Variants in PAPPA observed in about 807,000 individuals in gnomAD.
PAPPA encodes pappalysin-1.
A neutral mutation model predicts 164.0 loss-of-function variants in PAPPA; 60 were observed. The observed-to-expected ratio is 0.37, with a 90% CI of 0.30 to 0.45. The LOEUF is 0.45. Ranked by LOEUF, PAPPA falls within the 20% of genes least tolerant of loss-of-function variation. The pLI is 1.00. For missense variants in PAPPA, 1,782 were observed against 2,087.3 expected (o/e 0.85, Z 2.85); for synonymous variants, 875 against 814.1 (o/e 1.07, Z -1.27).
chr9:116,377,048 G>T (rs1846662774), intron 19 of PAPPA, among the ~76,000 whole-genome samples: 1 of 152,130 alleles, frequency 6.6e-6, no homozygotes, highest in African/African-American at 2.4e-5. Context: ...CAGGTCTGAG[G>T]AATCTGCCGT....
At chr9:116,257,475 T>A (rs35906071) in intron 7 of PAPPA, among the ~76,000 whole-genome samples, 1 of 151,310 alleles carries the variant, frequency 6.6e-6, no homozygotes, top group Non-Finnish European at 1.5e-5. Context: ...CCAAGGCGGG[T>A]GGATCATGAG....
chr9:116,378,076 C>G (rs1846678922), intron 20 of PAPPA, among the ~76,000 whole-genome samples: 1 of 152,162 alleles, frequency 6.6e-6, no homozygotes, highest in Admixed American at 6.5e-5. Flanking sequence ...TACTGATGAC[C>G]TTTACTTGCA....
In PAPPA at chr9:116,352,934, T is replaced by C; in HGVS notation, c.4175+18T>C. The stretch of plus-strand genomic sequence containing the variant: ...TCAAAGAAGTAAGTGGGGTTGGAAA[T>C]GCAAACTTATGGTCTCTGGGAGGAC... On this transcript the variant is annotated intron_variant, in intron 16 of 21. Coordinates refer to ENST00000328252, the MANE Select transcript of PAPPA (RefSeq NM_002581.5). 6.3e-7 allele frequency: 1 copy of C among 1,587,058 alleles called. No homozygotes were observed. Among genetic ancestry groups the C allele is most frequent in the South Asian group, 1.1e-5 (1 of 90,016 alleles).
At chr9:116,164,136 T>A (rs1368579711) in intron 1 of PAPPA, among the ~76,000 whole-genome samples, 1 of 152,194 alleles carries the variant, frequency 6.6e-6, no homozygotes, top group Admixed American at 6.5e-5. Flanking sequence ...CTTGTAGTAT[T>A]GCTTATCATT....
intron 10 of PAPPA, among the ~76,000 whole-genome samples, chr9:116,327,245 C>T (rs1216271409): frequency 2.0e-5 from 3 of 152,184 alleles, no homozygotes; most frequent in Non-Finnish European, 2.9e-5. Flanking sequence ...AAAAGGGTTA[C>T]TGTGTTACTT....
chr9:116,196,574 G>T (rs188249518), intron 2 of PAPPA, among the ~76,000 whole-genome samples: 3 of 152,218 alleles, frequency 2.0e-5, no homozygotes, highest in Non-Finnish European at 4.4e-5. Context: ...CAAACTCACT[G>T]CTGGGCAGTT....
At chr9:116,233,883 G>A (rs1256140587) in intron 6 of PAPPA, among the ~76,000 whole-genome samples, 1 of 151,744 alleles carries the variant, frequency 6.6e-6, no homozygotes, top group Admixed American at 6.6e-5. Flanking sequence ...AACCACTGAG[G>A]CTGAAGAAAA....
At chr9:116,231,636 CTT>C (rs1844592969) in intron 6 of PAPPA, among the ~76,000 whole-genome samples, 1 of 150,888 alleles carries the variant, frequency 6.6e-6, no homozygotes, top group Non-Finnish European at 1.5e-5. Flanking sequence ...AATAGTTACT[CTT>C]TGAATGCATG....
chr9:116,382,591 A>G, intron 21 of PAPPA, 98 bp downstream of exon 21: 1 of 791,650 alleles, frequency 1.3e-6, no homozygotes, highest in Non-Finnish European at 2.3e-6. Context: ...CCTTGTCCTA[A>G]CTCTGCCAGC....
intron 9 of PAPPA, among the ~76,000 whole-genome samples, chr9:116,276,426 T>C (rs1845198984): frequency 6.6e-6 from 1 of 152,156 alleles, no homozygotes; most frequent in East Asian, 1.9e-4. Flanking sequence ...TTCAGCATAG[T>C]TGGGTCCAGT....
chr9:116,327,316 A>G (rs925341353), intron 10 of PAPPA, among the ~76,000 whole-genome samples: 5 of 152,188 alleles, frequency 3.3e-5, no homozygotes, highest in African/African-American at 7.2e-5. Context: ...AGGATGGAAA[A>G]CAGTATGGCT....
chr9:116,260,615 T>G (rs769424537), intron 7 of PAPPA, among the ~76,000 whole-genome samples: 1 of 152,180 alleles, frequency 6.6e-6, no homozygotes, highest in African/African-American at 2.4e-5. Context: ...GAATTTTAAA[T>G]GCTGAAGCAG....
chr9:116,330,883 T>C (rs938964358), intron 10 of PAPPA, among the ~76,000 whole-genome samples: 38 of 152,082 alleles, frequency 2.5e-4, no homozygotes, highest in African/African-American at 8.9e-4. Context: ...GCATTCTGGG[T>C]TTCTGCTTTC....
At chr9:116,311,396 G>A (rs930064421) in intron 10 of PAPPA, among the ~76,000 whole-genome samples, 1 of 152,214 alleles carries the variant, frequency 6.6e-6, no homozygotes, top group African/African-American at 2.4e-5. Flanking sequence ...CTTGCAAAGT[G>A]CTGTGATATG....
chr9:116,188,044 G>A lies in PAPPA; in HGVS notation c.1306G>A (p.Asp436Asn), dbSNP rs868825700. The part of the protein sequence containing the change: ...PECNHTLTGH[D>N]GGDCRHLRHP... ...GTGCAACCACACGCTGACGGGCCAC[G>A]ACGGCGGGGATTGCCGCCACCTGCG... The change falls in exon 2 of 22, where the codon GAC becomes AAC. Residue 436 changes from aspartate (D) to asparagine (N), a missense_variant. Physicochemically the swap from Asp to Asn is conservative, Grantham distance 23. Transcript: ENST00000328252. The A allele has an allele frequency of 1.9e-6, 3 of 1,614,186 alleles. No individual in the cohort carries two copies. Among genetic ancestry groups the A allele is most frequent in the African/African-American group, 1.3e-5 (1 of 75,072 alleles).
chr9:116,301,577 A>G, intron 9 of PAPPA, among the ~76,000 whole-genome samples: 1 of 152,248 alleles, frequency 6.6e-6, no homozygotes, highest in Non-Finnish European at 1.5e-5. Context: ...AAACATGCAT[A>G]GGTCACACCT....
chr9:116,328,623 T>C (rs1440302785), intron 10 of PAPPA, among the ~76,000 whole-genome samples: 5 of 152,236 alleles, frequency 3.3e-5, no homozygotes, highest in Admixed American at 1.3e-4. Flanking sequence ...TTTGATGCTT[T>C]TAAAGCAATG....
At chr9:116,213,997 G>A (rs118008355) in intron 4 of PAPPA, among the ~76,000 whole-genome samples, 1,797 of 152,224 alleles carry the variant, frequency 0.012, 16 homozygotes, top group Non-Finnish European at 0.018. Context: ...ACTTCTTCTC[G>A]TTGCTTTATC....
intron 2 of PAPPA, among the ~76,000 whole-genome samples, chr9:116,196,725 G>A (rs548980994): frequency 3.3e-5 from 5 of 152,118 alleles, no homozygotes; most frequent in Non-Finnish European, 4.4e-5. Context: ...TTTTTCAGAG[G>A]AGCATTTTCT....
Sources: allele counts gnomAD v4.1 joint callset (sites outside exome capture counted in the v4.1 genomes callset), GRCh38; gene constraint gnomAD v4.1.1; transcripts MANE v1.5; gene names NCBI Gene and HGNC (gene_info 2026-07-23, HGNC 2026-07-21).